Variants in LYPD2 observed in about 807,000 individuals in gnomAD.
LYPD2 encodes the protein ly6/PLAUR domain-containing protein 2.
In LYPD2, 5 loss-of-function variants were observed where a neutral mutation model predicts 7.1. That is an observed-to-expected ratio of 0.70 (90% CI 0.37 to 1.48). The LOEUF is 1.48. Ranked by LOEUF, LYPD2 falls within the 40% of genes most tolerant of loss-of-function variation. The pLI is 0.03. For synonymous variants in LYPD2, 78 were observed against 82.0 expected (o/e 0.95, Z 0.26); for missense variants, 177 against 171.0 (o/e 1.04, Z -0.20).
chr8:142,751,386 G>C (rs1814712954), intron 1 of LYPD2, among the ~76,000 whole-genome samples: 1 of 152,208 alleles, frequency 6.6e-6, no homozygotes, highest in African/African-American at 2.4e-5. Flanking sequence ...GTCGGCTGCT[G>C]GGGGTGGGGA....
At chr8:142,751,214 C>A (rs771462170) in intron 1 of LYPD2, 44 bp from the exon 2 acceptor site, 1 of 1,608,374 alleles carries the variant, frequency 6.2e-7, no homozygotes, top group South Asian at 1.1e-5. Flanking sequence ...TCCACCCCTC[C>A]CAAGCCCAGA....
chr8:142,751,387 G>C (rs1814713042), intron 1 of LYPD2, among the ~76,000 whole-genome samples: 1 of 152,206 alleles, frequency 6.6e-6, no homozygotes, highest in South Asian at 2.1e-4. Flanking sequence ...TCGGCTGCTG[G>C]GGGTGGGGAT....
chr8:142,751,016 G>A (rs1814695990), intron 2 of LYPD2, 35 bp downstream of exon 2: 3 of 1,613,538 alleles, frequency 1.9e-6, no homozygotes, highest in South Asian at 1.1e-5. Flanking sequence ...CTCTGACCGG[G>A]AACCCGGCCC....
intron 2 of LYPD2, 97 bp from the exon 3 acceptor site, chr8:142,750,579 C>T (rs1814682186): frequency 8.1e-7 from 1 of 1,236,882 alleles, no homozygotes; most frequent in Admixed American, 2.0e-5. Context: ...ACTCTGGGGT[C>T]ACCCACCCGG....
At position 142,750,449 on chromosome 8, in the gene LYPD2, T is replaced by C. The variant is rs1278341565; in HGVS notation, c.212A>G (p.Lys71Arg). ...YPFQGDSTVT[K>R]SCASKCKPSD... ...GGGCTTACACTTGCTGGCACAGGAC[T>C]TGGTCACCGTGGAGTCCCCCTGGAA... Residue 71 changes from lysine (K) to arginine (R), a missense_variant, in exon 3 of 3, where the codon AAG (lysine) becomes AGG (arginine). Transcript: ENST00000359228. 6.3e-7 allele frequency: 1 copy of C among 1,589,642 alleles called. No individual in the cohort carries two copies.
At position 142,752,448 on chromosome 8, in the gene LYPD2, G is replaced by T. The variant is rs766328861; in HGVS notation, c.4C>A (p.Arg2=). Residue 2 remains arginine, a synonymous_variant, in exon 1 of 3, where the codon CGG becomes AGG. Coordinates refer to ENST00000359228, the MANE Select transcript of LYPD2 (RefSeq NM_205545.3). ...GCCAGGAGCGCCAGCCGCGTCCCCCGCATGGTCCCGGCCCACTCCTCTGTG... is the reference window on the plus strand; with the variant it reads ...GCCAGGAGCGCCAGCCGCGTCCCCCTCATGGTCCCGGCCCACTCCTCTGTG... M[R]GTRLALLALV... 2.5e-6 allele frequency: 4 copies of T among 1,613,340 alleles called. No homozygotes were observed. Among genetic ancestry groups the T allele is most frequent in the Non-Finnish European group, 3.4e-6 (4 of 1,179,770 alleles).
chr8:142,752,493 T>C lies in LYPD2; in HGVS notation c.-42A>G. The C allele has an allele frequency of 1.1e-5, 17 of 1,608,398 alleles. No individual in the cohort carries two copies. Among genetic ancestry groups the C allele is most frequent in the Non-Finnish European group, 1.4e-5 (17 of 1,176,540 alleles). On this transcript the variant is annotated 5_prime_UTR_variant, in exon 1 of 3. Transcript: ENST00000359228. ...TCTGTGCTCTCACCCCAGGCTTGCC[T>C]GGCGGGGACAGCAGACACCAAGTGA...
At chr8:142,751,021 C>T (rs756428636) in intron 2 of LYPD2, 30 bp downstream of exon 2, 86 of 1,613,420 alleles carry the variant, frequency 5.3e-5, no homozygotes, top group Middle Eastern at 3.3e-4. Flanking sequence ...ACCGGGAACC[C>T]GGCCCTGCCC....
intron 1 of LYPD2, 114 bp from the exon 2 acceptor site, chr8:142,751,284 T>A (rs1563828931): frequency 2.1e-6 from 3 of 1,410,810 alleles, no homozygotes; most frequent in Non-Finnish European, 2.9e-6. Context: ...AGGGTAGAGA[T>A]GCCTACCAGC....
chr8:142,750,737 C>T (rs1814687172), intron 2 of LYPD2, among the ~76,000 whole-genome samples: 1 of 152,254 alleles, frequency 6.6e-6, no homozygotes. Flanking sequence ...TAAGTGTGCC[C>T]AGCTTCTCCA....
Position 142,752,330 on chromosome 8 carries a change from A to T in LYPD2, c.58+64T>A, listed in dbSNP as rs1814727395. 3.8e-6 allele frequency: 6 copies of T among 1,593,530 alleles called. No homozygotes were observed. In the Admixed American group the frequency reaches 1.0e-4, roughly 27 times the overall value. ...CTTCCTGGGGCGCCCTCCCGGGAAC[A>T]GTGTGAATGTCAGTGGGTGGCATCT... On this transcript the variant is annotated intron_variant, in intron 1 of 2. Coordinates refer to ENST00000359228, the MANE Select transcript of LYPD2 (RefSeq NM_205545.3).
At chr8:142,752,324 G>A (rs909480873) in intron 1 of LYPD2, 70 bp downstream of exon 1, 64 of 1,586,358 alleles carry the variant, frequency 4.0e-5, no homozygotes, top group Middle Eastern at 3.4e-4. Context: ...GCGCCCTCCC[G>A]GGAACAGTGT....
At chr8:142,751,803 C>G (rs1034173549) in intron 1 of LYPD2, among the ~76,000 whole-genome samples, 1 of 152,188 alleles carries the variant, frequency 6.6e-6, no homozygotes, top group African/African-American at 2.4e-5. Flanking sequence ...AGCTGCACAG[C>G]TAGGCCCGAC....
chr8:142,750,248 TGG>T lies in LYPD2; in HGVS notation c.*33_*34del. On this transcript the variant is annotated 3_prime_UTR_variant, in exon 3 of 3. Transcript: ENST00000359228. ...GGCACTTCTTCAAGGCATTCGGGGC[TGG>T]GCCGCATAGGGCCATGGGGGTGGGC... 5 of 1,462,106 alleles carry T rather than the reference TGG, an allele frequency of 3.4e-6. No homozygotes were observed. The highest frequency in any genetic ancestry group is 4.6e-6 in the Non-Finnish European group (5 of 1,093,264). The allele number at this position is 1,462,106 out of a possible 1,614,324, so 90.6% of individuals were successfully genotyped here.
chr8:142,751,019 C>T, intron 2 of LYPD2, 32 bp downstream of exon 2: 3 of 1,613,516 alleles, frequency 1.9e-6, no homozygotes, highest in Non-Finnish European at 2.5e-6. Flanking sequence ...TGACCGGGAA[C>T]CCGGCCCTGC....
In LYPD2 at chr8:142,750,154, C is replaced by T. The variant is rs1563828385; in HGVS notation, c.*129G>A. On this transcript the variant is annotated 3_prime_UTR_variant, in exon 3 of 3. Transcript: ENST00000359228. Reference sequence around the variant, plus strand: ...GACAGACACACAGGAACGGGGACATCGACGAGGTCAGAGATGCAGCAGGGC... The same window carrying T: ...GACAGACACACAGGAACGGGGACATTGACGAGGTCAGAGATGCAGCAGGGC... 2 of 754,492 alleles carry T rather than the reference C, an allele frequency of 2.7e-6. No homozygotes were observed. The highest frequency in any genetic ancestry group is 2.7e-5 in the East Asian group (1 of 37,100). 46.7% of individuals were successfully genotyped at this position (754,492 alleles called of 1,614,324 possible). A position where few individuals can be genotyped will look rare whatever the true frequency, so the allele number is the denominator to read the frequency against.
chr8:142,752,326 G>C, intron 1 of LYPD2, 68 bp downstream of exon 1: 1 of 1,591,484 alleles, frequency 6.3e-7, no homozygotes. Flanking sequence ...GCCCTCCCGG[G>C]AACAGTGTGA....
At chr8:142,752,244 T>A in intron 1 of LYPD2, 150 bp downstream of exon 1, 1 of 802,872 alleles carries the variant, frequency 1.2e-6, no homozygotes, top group Non-Finnish European at 2.0e-6. Flanking sequence ...CCTCCCCTCC[T>A]TATGGCGGGG....
intron 1 of LYPD2, among the ~76,000 whole-genome samples, chr8:142,752,033 C>T (rs1261444288): frequency 2.0e-5 from 3 of 152,094 alleles, no homozygotes; most frequent in African/African-American, 7.2e-5. Context: ...CTACTGCCAC[C>T]CCAGCCTCAG....
Sources: allele counts gnomAD v4.1 joint callset (sites outside exome capture counted in the v4.1 genomes callset), GRCh38; gene constraint gnomAD v4.1.1; transcripts MANE v1.5; gene names NCBI Gene and HGNC (gene_info 2026-07-23, HGNC 2026-07-21).